Variants in PCLO observed in about 807,000 individuals in gnomAD.
PCLO encodes protein piccolo.
In PCLO, 82 loss-of-function variants were observed where a neutral mutation model predicts 427.5. The ratio of observed to expected loss-of-function variants is 0.19; its 90% CI spans 0.16 to 0.23. The LOEUF is 0.23. Ranked by LOEUF, PCLO falls within the 10% of genes least tolerant of loss-of-function variation. The pLI is 1.00. For synonymous variants in PCLO, 2,357 were observed against 2,155.4 expected (o/e 1.09, Z -2.59); for missense variants, 6,239 against 6,115.9 (o/e 1.02, Z -0.67).
intron 3 of PCLO, among the ~76,000 whole-genome samples, chr7:82,983,317 A>G (rs951709243): frequency 2.0e-5 from 3 of 151,170 alleles, no homozygotes; most frequent in Admixed American, 6.6e-5. Flanking sequence ...CCAGTTTTGA[A>G]AAACTATCTT....
At chr7:82,799,132 G>C (rs1337900819) in intron 22 of PCLO, among the ~76,000 whole-genome samples, 1 of 152,128 alleles carries the variant, frequency 6.6e-6, no homozygotes, top group Non-Finnish European at 1.5e-5. Context: ...ATAAACTTTA[G>C]GATTAAAGAA....
At chr7:82,995,492 T>C (rs1796474608) in intron 3 of PCLO, among the ~76,000 whole-genome samples, 1 of 152,002 alleles carries the variant, frequency 6.6e-6, no homozygotes, top group African/African-American at 2.4e-5. Flanking sequence ...ATGAAGTGGC[T>C]GGAATATGAG....
intron 22 of PCLO, among the ~76,000 whole-genome samples, chr7:82,793,741 A>G (rs943753027): frequency 2.6e-5 from 4 of 152,082 alleles, no homozygotes; most frequent in African/African-American, 4.8e-5. Context: ...GGTGTTCTTT[A>G]TGCCTGCTGC....
At chr7:82,868,398 T>G (rs990928263) in intron 10 of PCLO, among the ~76,000 whole-genome samples, 1 of 152,168 alleles carries the variant, frequency 6.6e-6, no homozygotes, top group African/African-American at 2.4e-5. Context: ...ACAGCTAATT[T>G]CATCCTTACT....
chr7:82,947,711 G>C (rs1795236308), intron 6 of PCLO, among the ~76,000 whole-genome samples: 1 of 152,078 alleles, frequency 6.6e-6, no homozygotes, highest in African/African-American at 2.4e-5. Flanking sequence ...AAAACACCTA[G>C]GGTTTTTCAG....
chr7:82,984,408 C>CTGTGTGTGTG (rs5885327), intron 3 of PCLO, among the ~76,000 whole-genome samples: 1,779 of 135,888 alleles, frequency 0.013, 41 homozygotes, highest in African/African-American at 0.04. Context: ...AATGTGGTGT[C>CTGTGTGTGTG]TGTGTGTGTG....
chr7:82,985,410 T>C (rs1796235719), intron 3 of PCLO, among the ~76,000 whole-genome samples: 2 of 152,072 alleles, frequency 1.3e-5, no homozygotes, highest in Admixed American at 6.6e-5. Context: ...GACAGGCACC[T>C]GGAGTGCAGT....
rs753635161 is a variant in PCLO, at chr7:83,155,240, T to C, written c.1401A>G (p.Thr467=). The change falls in exon 2 of 25, where the codon ACA becomes ACG. Residue 467 remains threonine (T), a synonymous_variant. Coordinates refer to ENST00000333891, the MANE Select transcript of PCLO (RefSeq NM_033026.6). ...GKTSAQQTGP[T]KPPSQLPGPA... ...GGCCAGGCAGTTGTGAAGGAGGCTT[T>C]GTTGGGCCAGTCTGCTGGGCAGAAG... The C allele has an allele frequency of 6.2e-6, 10 of 1,613,538 alleles. No homozygotes were observed. In the South Asian group the frequency reaches 9.9e-5, roughly 16 times the overall value.
chr7:83,062,930 T>A (rs1789575432), intron 3 of PCLO, among the ~76,000 whole-genome samples: 1 of 152,122 alleles, frequency 6.6e-6, no homozygotes, highest in African/African-American at 2.4e-5. Context: ...TGACTAAAAT[T>A]ACTATTTCCA....
chr7:82,778,500 G>A lies in PCLO; in HGVS notation c.15008-17007C>T, dbSNP rs188888528. On this transcript the variant is annotated intron_variant, in intron 22 of 24. Coordinates refer to ENST00000333891, the MANE Select transcript of PCLO (RefSeq NM_033026.6). ...TGAATATTGTTTTCTTTTGTTTGTGGCATCATTTGCTGAACAAAAGTTTTA... is the reference window on the plus strand; with the variant it reads ...TGAATATTGTTTTCTTTTGTTTGTGACATCATTTGCTGAACAAAAGTTTTA... 2.0e-3 allele frequency among the ~76,000 whole-genome samples: 300 copies of A among 152,116 alleles called. 2 individuals carry two copies. The Middle Eastern group carries it at 0.051, about 26-fold the overall frequency.
chr7:82,870,865 G>A (rs1793217442), intron 10 of PCLO, among the ~76,000 whole-genome samples: 1 of 151,790 alleles, frequency 6.6e-6, no homozygotes, highest in Non-Finnish European at 1.5e-5. Context: ...TAGTCATCAG[G>A]GAAATCCAAA....
chr7:83,134,285 G>C lies in PCLO; in HGVS notation c.3265C>G (p.Leu1089Val). ...CTECKNQVCN[L>V]CGFNPTPHLT... Reference sequence around the variant, plus strand: ...TGTGGTGTAGGGTTAAATCCACAGAGATTACACACTTGATTCTTGCATTCA... The same window carrying C: ...TGTGGTGTAGGGTTAAATCCACAGACATTACACACTTGATTCTTGCATTCA... Residue 1089 changes from leucine to valine, a missense_variant, in exon 3 of 25, where the codon CTC (leucine) becomes GTC (valine). Coordinates refer to ENST00000333891, the MANE Select transcript of PCLO (RefSeq NM_033026.6). The C allele has an allele frequency of 1.3e-6, 2 of 1,564,364 alleles. No individual in the cohort carries two copies. Among genetic ancestry groups the C allele is most frequent in the Non-Finnish European group, 1.7e-6 (2 of 1,153,186 alleles).
chr7:82,966,171 G>A lies in PCLO; in HGVS notation c.3617C>T (p.Ser1206Leu), dbSNP rs1327554957. 1 of 1,607,804 alleles carries A rather than the reference G, an allele frequency of 6.2e-7. No homozygotes were observed. Among genetic ancestry groups the A allele is most frequent in the Admixed American group, 1.7e-5 (1 of 59,082 alleles). The change falls in exon 4 of 25, where the codon TCA (serine) becomes TTA (leucine). Residue 1206 changes from serine (S) to leucine (L), a missense_variant. Physicochemically the swap from Ser to Leu is moderately radical, Grantham distance 145. Coordinates refer to ENST00000333891, the MANE Select transcript of PCLO (RefSeq NM_033026.6). ...GAGTGGCTTTTTTTCTTGAAGAGCT[G>A]AAGCTTTGTCTTTCTCTAGTTTACT... ...EESKLEKDKA[S>L]ALQEKKPLPE...
chr7:82,886,494 G>A (rs967779495), intron 9 of PCLO, among the ~76,000 whole-genome samples: 1 of 151,932 alleles, frequency 6.6e-6, no homozygotes, highest in African/African-American at 2.4e-5. Flanking sequence ...TATTTTGGAG[G>A]GAGTTGAAAA....
At chr7:83,072,463 T>C (rs1789843040) in intron 3 of PCLO, among the ~76,000 whole-genome samples, 1 of 152,108 alleles carries the variant, frequency 6.6e-6, no homozygotes, top group African/African-American at 2.4e-5. Flanking sequence ...CCCCTTCTTT[T>C]ACCACACTCG....
chr7:83,121,161 T>G (rs1232565604), intron 3 of PCLO, among the ~76,000 whole-genome samples: 1 of 41,088 alleles, frequency 2.4e-5, no homozygotes, highest in Non-Finnish European at 4.1e-5. Context: ...ACAAAAAACT[T>G]TTGTAAAGAT....
intron 16 of PCLO, among the ~76,000 whole-genome samples, chr7:82,834,952 TTTTGTTTGTTTG>T (rs879762811): frequency 3.9e-5 from 5 of 126,848 alleles, no homozygotes; most frequent in East Asian, 3.8e-4. Flanking sequence ...TTATCTTTTT[TTTTGTTTGTTTG>T]TTTGTTTGTT....
chr7:82,908,466 A>G (rs990098193), intron 8 of PCLO, among the ~76,000 whole-genome samples: 2 of 152,092 alleles, frequency 1.3e-5, no homozygotes, highest in African/African-American at 4.8e-5. Flanking sequence ...CGTTCTTTCT[A>G]TCCCAGCTCA....
chr7:82,787,676 A>T (rs1432885340), intron 22 of PCLO, among the ~76,000 whole-genome samples: 1 of 152,160 alleles, frequency 6.6e-6, no homozygotes, highest in African/African-American at 2.4e-5. Context: ...CTGGAAATAG[A>T]TCATATTCAG....
Sources: gnomAD v4.1 joint callset for allele counts (sites outside exome capture counted in the v4.1 genomes callset) on GRCh38, gnomAD v4.1.1 for gene constraint, MANE v1.5 for transcripts, NCBI Gene and HGNC (gene_info 2026-07-23, HGNC 2026-07-21) for gene names.